The following SRBD1 variants were observed in gnomAD, a reference collection of about 807,000 sequenced individuals.
SRBD1 encodes the protein S1 RNA binding domain 1.
A neutral mutation model predicts 115.3 loss-of-function variants in SRBD1; 88 were observed. The ratio of observed to expected loss-of-function variants is 0.76; its 90% CI spans 0.64 to 0.91. The LOEUF (loss-of-function observed/expected upper bound fraction) is 0.91. Among genes scored for constraint, SRBD1 ranks in the 40% least tolerant of loss-of-function variants. The probability of loss-of-function intolerance (pLI) is 0.00; values close to 1 mark genes in which losing one functional copy is unlikely to be tolerated. For missense variants in SRBD1, 1,385 were observed against 1,177.4 expected (o/e 1.18, Z -2.58); for synonymous variants, 509 against 407.7 (o/e 1.25, Z -2.99).
intron 16 of SRBD1, among the ~76,000 whole-genome samples, chr2:45,467,906 G>A (rs557677674): frequency 6.6e-6 from 1 of 152,234 alleles, no homozygotes; most frequent in South Asian, 2.1e-4. Context: ...TAAAGCATCT[G>A]TAGCATTTGA....
intron 19 of SRBD1, among the ~76,000 whole-genome samples, chr2:45,400,975 T>C (rs918385763): frequency 6.6e-6 from 1 of 152,158 alleles, no homozygotes; most frequent in Non-Finnish European, 1.5e-5. Flanking sequence ...AAACGTCATG[T>C]GGGCTGTGTT....
chr2:45,403,587 T>G (rs1348894165), intron 19 of SRBD1, among the ~76,000 whole-genome samples: 2 of 152,210 alleles, frequency 1.3e-5, no homozygotes. Flanking sequence ...TAACCTGAAA[T>G]TTAATTGTCA....
At chr2:45,484,159 G>T (rs1670046869) in intron 15 of SRBD1, among the ~76,000 whole-genome samples, 2 of 151,336 alleles carry the variant, frequency 1.3e-5, no homozygotes, top group Non-Finnish European at 2.9e-5. Flanking sequence ...AATATTAATA[G>T]TAGAAGTTTT....
chr2:45,590,374 G>C (rs1190163452), intron 4 of SRBD1, among the ~76,000 whole-genome samples: 1 of 152,136 alleles, frequency 6.6e-6, no homozygotes, highest in Non-Finnish European at 1.5e-5. Flanking sequence ...AGACTCCTTT[G>C]TAGGACTAAC....
chr2:45,578,767 G>C (rs1376039025), intron 7 of SRBD1, among the ~76,000 whole-genome samples: 4 of 152,144 alleles, frequency 2.6e-5, no homozygotes, highest in African/African-American at 9.7e-5. Flanking sequence ...AAAGACTAGA[G>C]TTCTAACATA....
At chr2:45,575,394 A>C (rs1166098479) in intron 7 of SRBD1, among the ~76,000 whole-genome samples, 1 of 152,206 alleles carries the variant, frequency 6.6e-6, no homozygotes, top group African/African-American at 2.4e-5. Context: ...GGTCTTTCTG[A>C]TATCAACTTA....
rs886692976 is a variant in SRBD1, at chr2:45,587,143, A to T, written c.649-1369T>A. Reference sequence around the variant, plus strand: ...ATTATTAAAATATTTAAAATTTTTTAAATATTTAATTATTTTAAATTATAA... The same window carrying T: ...ATTATTAAAATATTTAAAATTTTTTTAATATTTAATTATTTTAAATTATAA... On this transcript the variant is annotated intron_variant, in intron 4 of 20. Transcript: ENST00000263736. Among the ~76,000 whole-genome samples, 13 of 143,884 alleles carry T rather than the reference A, an allele frequency of 9.0e-5. 3 individuals carry two copies. The highest frequency in any genetic ancestry group is 1.4e-4 in the Admixed American group (2 of 14,440). 94.4% of individuals were successfully genotyped at this position (143,884 alleles called of 152,430 possible). A position where few individuals can be genotyped will look rare whatever the true frequency, so the allele number is the denominator to read the frequency against.
intron 14 of SRBD1, among the ~76,000 whole-genome samples, chr2:45,499,015 G>A (rs190117510): frequency 6.6e-6 from 1 of 152,272 alleles, no homozygotes; most frequent in East Asian, 1.9e-4. Flanking sequence ...ATACTTAGCA[G>A]TGGGATTGCT....
At chr2:45,512,914 T>C (rs1175128648) in intron 14 of SRBD1, among the ~76,000 whole-genome samples, 1 of 152,142 alleles carries the variant, frequency 6.6e-6, no homozygotes, top group African/African-American at 2.4e-5. Flanking sequence ...CCCTTTAACC[T>C]ACTAAGGGAA....
chr2:45,462,837 T>G (rs967697676), intron 16 of SRBD1, among the ~76,000 whole-genome samples: 12 of 151,504 alleles, frequency 7.9e-5, no homozygotes, highest in East Asian at 5.9e-4. Flanking sequence ...AAAAAAAAAG[T>G]ACACTAAGAA....
chr2:45,513,902 A>G (rs1331302345), intron 14 of SRBD1, among the ~76,000 whole-genome samples: 2 of 152,158 alleles, frequency 1.3e-5, no homozygotes, highest in African/African-American at 4.8e-5. Context: ...GGTAATAGCT[A>G]CCATATTAAA....
intron 19 of SRBD1, among the ~76,000 whole-genome samples, chr2:45,396,915 G>C (rs1484432268): frequency 6.6e-6 from 1 of 152,064 alleles, no homozygotes; most frequent in Admixed American, 6.5e-5. Flanking sequence ...CTTAATATTA[G>C]TACGTGCTTT....
At chr2:45,515,717 G>T (rs1170703850) in intron 14 of SRBD1, among the ~76,000 whole-genome samples, 3 of 152,122 alleles carry the variant, frequency 2.0e-5, no homozygotes, top group African/African-American at 7.2e-5. Context: ...TGTCTTAATA[G>T]AGAAGGTATG....
At chr2:45,522,259 A>G (rs1374150234) in intron 14 of SRBD1, among the ~76,000 whole-genome samples, 1 of 151,904 alleles carries the variant, frequency 6.6e-6, no homozygotes, top group Non-Finnish European at 1.5e-5. Flanking sequence ...TGCAACCTCG[A>G]CCTCCCAGGG....
chr2:45,478,855 A>G (rs1376999957), intron 15 of SRBD1, among the ~76,000 whole-genome samples: 1 of 152,162 alleles, frequency 6.6e-6, no homozygotes, highest in African/African-American at 2.4e-5. Flanking sequence ...ATTTTGCTTT[A>G]TTGTGCTTCT....
Position 45,419,462 on chromosome 2 carries a change from T to C in SRBD1, c.2156+326A>G, listed in dbSNP as rs571145037. 4.6e-5 allele frequency among the ~76,000 whole-genome samples: 7 copies of C among 152,344 alleles called. No homozygotes were observed. The South Asian group carries it at 1.4e-3, about 32-fold the overall frequency. On this transcript the variant is annotated intron_variant, in intron 17 of 20. Coordinates refer to ENST00000263736, the MANE Select transcript of SRBD1 (RefSeq NM_018079.5). ...GACAGATGCATGCAAGAGGCTTAAC[T>C]AGTGAAAAATCTCTACTCTCACGTG... is the stretch of plus-strand genomic sequence containing the variant.
At chr2:45,558,845 C>T (rs1572775400) in intron 10 of SRBD1, among the ~76,000 whole-genome samples, 1 of 152,030 alleles carries the variant, frequency 6.6e-6, no homozygotes, top group South Asian at 2.1e-4. Context: ...GCATGCACCA[C>T]CATGCCTGGT....
intron 16 of SRBD1, among the ~76,000 whole-genome samples, chr2:45,446,083 A>C (rs1274651686): frequency 6.6e-6 from 1 of 152,184 alleles, no homozygotes; most frequent in African/African-American, 2.4e-5. Context: ...CTGACTTGGG[A>C]TATGTCAGAG....
chr2:45,508,106 A>T (rs1670852946), intron 14 of SRBD1, among the ~76,000 whole-genome samples: 1 of 152,318 alleles, frequency 6.6e-6, no homozygotes, highest in South Asian at 2.1e-4. Flanking sequence ...AAGGTTGTTC[A>T]GCTATTCAGT....
Sources: allele counts gnomAD v4.1 joint callset (sites outside exome capture counted in the v4.1 genomes callset), GRCh38; gene constraint gnomAD v4.1.1; transcripts MANE v1.5; gene names NCBI Gene and HGNC (gene_info 2026-07-23, HGNC 2026-07-21).